The following PCDHA10 variants were observed in gnomAD, a reference collection of about 807,000 sequenced individuals.
PCDHA10 encodes the protein protocadherin alpha-10.
In PCDHA10, 45 loss-of-function variants were observed where a neutral mutation model predicts 61.2. The ratio of observed to expected loss-of-function variants is 0.74; its 90% CI spans 0.58 to 0.94. The LOEUF (loss-of-function observed/expected upper bound fraction) is 0.94, where lower values mean the gene tolerates loss of function less well. Among genes scored for constraint, PCDHA10 ranks in the 40% least tolerant of loss-of-function variants. PCDHA10 has a pLI of 0.00. For missense variants in PCDHA10, 1,278 were observed against 1,236.2 expected, an observed-to-expected ratio of 1.03 and a Z score of -0.51; for synonymous variants, 602 against 548.8, an observed-to-expected ratio of 1.10 and a Z score of -1.35.
intron 1 of PCDHA10, chr5:140,859,549 C>A (rs958434264): frequency 5.0e-5 from 9 of 181,676 alleles, no homozygotes; most frequent in Non-Finnish European, 9.0e-5. Context: ...CTAGTGTTAC[C>A]AAACACCAAT....
intron 1 of PCDHA10, chr5:140,862,793 A>G: frequency 1.7e-6 from 1 of 576,706 alleles, no homozygotes; most frequent in Non-Finnish European, 3.3e-6. Flanking sequence ...GACTACGAGG[A>G]GCTGGAGCTG....
At chr5:140,946,631 T>TATACAC (rs57893927) in intron 1 of PCDHA10, among the ~76,000 whole-genome samples, 2 of 131,842 alleles carry the variant, frequency 1.5e-5, no homozygotes, top group Non-Finnish European at 3.1e-5. Flanking sequence ...TATATATATA[T>TATACAC]ACAATGGAAT....
intron 1 of PCDHA10, chr5:140,875,830 G>A (rs782702520): frequency 4.6e-5 from 75 of 1,614,104 alleles, no homozygotes; most frequent in East Asian, 8.9e-5. Flanking sequence ...TTTCCATGTG[G>A]ACGTGGAGGT....
chr5:140,878,727 C>A (rs1329578817), intron 1 of PCDHA10, among the ~76,000 whole-genome samples: 2 of 152,186 alleles, frequency 1.3e-5, no homozygotes, highest in Non-Finnish European at 2.9e-5. Context: ...AAATTTCCAG[C>A]CTTATATCTA....
Position 140,871,256 on chromosome 5 carries a change from C to T in PCDHA10, c.2388+12820C>T, listed in dbSNP as rs781990448. ...CTGGTACTCACGCTGCTGCTGTATA[C>T]GGCGCTGTGGTGGTCGGCAACGCCC... On this transcript the variant is annotated intron_variant, in intron 1 of 3. Coordinates refer to ENST00000307360, the MANE Select transcript of PCDHA10 (RefSeq NM_018901.4). The T allele has an allele frequency of 4.3e-6, 7 of 1,613,866 alleles. No individual in the cohort carries two copies. Among genetic ancestry groups the T allele is most frequent in the East Asian group, 2.2e-5 (1 of 44,888 alleles).
At chr5:140,879,047 A>G (rs931436432) in intron 1 of PCDHA10, among the ~76,000 whole-genome samples, 1 of 152,238 alleles carries the variant, frequency 6.6e-6, no homozygotes, top group African/African-American at 2.4e-5. Flanking sequence ...AAAGATAGAC[A>G]ACATTTTACC....
intron 1 of PCDHA10, among the ~76,000 whole-genome samples, chr5:140,912,509 T>A (rs1473163707): frequency 6.6e-6 from 1 of 152,170 alleles, no homozygotes; most frequent in Non-Finnish European, 1.5e-5. Flanking sequence ...TTTGGATGAA[T>A]CTTTAGGGTT....
chr5:140,919,306 A>G (rs1407810868), intron 1 of PCDHA10, among the ~76,000 whole-genome samples: 1 of 152,150 alleles, frequency 6.6e-6, no homozygotes. Context: ...TGTACAATAT[A>G]TGTTTTCCCA....
At chr5:140,888,686 T>C (rs1326536229) in intron 1 of PCDHA10, among the ~76,000 whole-genome samples, 1 of 152,214 alleles carries the variant, frequency 6.6e-6, no homozygotes, top group Non-Finnish European at 1.5e-5. Context: ...AAGAGGTCTC[T>C]CTTCTCTGAT....
intron 3 of PCDHA10, among the ~76,000 whole-genome samples, chr5:141,007,087 A>G (rs1554261040): frequency 6.6e-6 from 1 of 152,112 alleles, no homozygotes; most frequent in African/African-American, 2.4e-5. Context: ...AATAGAGAAG[A>G]GAGTCTAGGG....
chr5:140,988,075 A>G (rs139957067), intron 3 of PCDHA10, among the ~76,000 whole-genome samples: 4 of 152,258 alleles, frequency 2.6e-5, no homozygotes, highest in Non-Finnish European at 4.4e-5. Flanking sequence ...TTTCTATTTC[A>G]TGAGTGAGTG....
chr5:140,883,433 T>G lies in PCDHA10; in HGVS notation c.2388+24997T>G, dbSNP rs201972709. 38 of 1,614,170 alleles carry G rather than the reference T, an allele frequency of 2.4e-5. No individual in the cohort carries two copies. In the East Asian group the frequency reaches 7.8e-4, roughly 33 times the overall value. ...CTCAAATGGACAGGTCACCTGCACC[T>G]TGACGCCGCATGTCCCCTTCAAGCT... On this transcript the variant is annotated intron_variant, in intron 1 of 3. Transcript: ENST00000307360.
chr5:140,965,121 T>G (rs1454584682), intron 1 of PCDHA10, among the ~76,000 whole-genome samples: 6 of 152,178 alleles, frequency 3.9e-5, no homozygotes, highest in African/African-American at 1.4e-4. Flanking sequence ...TAGAGGAAGA[T>G]CTACAGATGA....
At chr5:140,940,470 A>AT (rs201096499) in intron 1 of PCDHA10, among the ~76,000 whole-genome samples, 9 of 149,600 alleles carry the variant, frequency 6.0e-5, no homozygotes, top group East Asian at 5.9e-4. Context: ...GTTCCCTGCA[A>AT]TTTTTTTTTT....
rs1469484046 is a variant in PCDHA10 at position 141,010,169 on chromosome 5, C to G, written c.*232C>G. ...CTCCACTCTGGCTTGTTTTCAGAAC[C>G]TAAAAAGCAGACCCAAGTTTCCTTT... On this transcript the variant is annotated 3_prime_UTR_variant, in exon 4 of 4. Coordinates refer to ENST00000307360, the MANE Select transcript of PCDHA10 (RefSeq NM_018901.4). 6.4e-7 allele frequency: 1 copy of G among 1,560,124 alleles called. No homozygotes were observed. The highest frequency in any genetic ancestry group is 8.7e-7 in the Non-Finnish European group (1 of 1,151,276).
intron 1 of PCDHA10, chr5:140,863,191 G>A: frequency 1.2e-6 from 1 of 802,224 alleles, no homozygotes; most frequent in Non-Finnish European, 2.1e-6. Flanking sequence ...CACCGTGGTG[G>A]CGTCGCTGGC....
intron 1 of PCDHA10, among the ~76,000 whole-genome samples, chr5:140,881,035 C>T (rs563210273): frequency 6.6e-6 from 1 of 152,186 alleles, no homozygotes; most frequent in African/African-American, 2.4e-5. Context: ...CAGTCATTTC[C>T]TATAGAGTTG....
rs1459131060 is a variant in PCDHA10 at position 140,876,463 on chromosome 5, G to A, written c.2388+18027G>A. On this transcript the variant is annotated intron_variant, in intron 1 of 3. Transcript: ENST00000307360. ...CATTGATAAAGGGATTCCTTCCATG[G>A]CAGGTCACAGCATGGTCCTGGTGGA... is the stretch of plus-strand genomic sequence containing the variant. 3.7e-6 allele frequency: 6 copies of A among 1,613,896 alleles called. No homozygotes were observed. In the African/African-American group the frequency reaches 6.7e-5, roughly 18 times the overall value.
At chr5:140,867,674 T>C (rs1450203824) in intron 1 of PCDHA10, 1 of 152,128 alleles carries the variant, frequency 6.6e-6, no homozygotes, top group Non-Finnish European at 1.5e-5. Flanking sequence ...CTCTAAAATT[T>C]TGTTGCATCT....
Sources: allele counts gnomAD v4.1 joint callset (sites outside exome capture counted in the v4.1 genomes callset), GRCh38; gene constraint gnomAD v4.1.1; transcripts MANE v1.5; gene names NCBI Gene and HGNC (gene_info 2026-07-23, HGNC 2026-07-21).